The following KCNJ6 variants were observed in gnomAD, a reference collection of about 807,000 sequenced individuals.
KCNJ6 encodes the protein potassium inwardly rectifying channel subfamily J member 6, also known as G protein-activated inward rectifier potassium channel 2.
KCNJ6 carries 9 observed loss-of-function variants against 34.2 expected under a neutral mutation model. The ratio of observed to expected loss-of-function variants is 0.26; its 90% CI spans 0.16 to 0.46. KCNJ6 has a LOEUF of 0.46. Ranked by LOEUF, KCNJ6 falls within the 20% of genes least tolerant of loss-of-function variation. The pLI is 1.00. For missense variants in KCNJ6, 236 were observed against 531.3 expected (o/e 0.44, Z 5.46); for synonymous variants, 196 against 207.1 (o/e 0.95, Z 0.46).
At chr21:37,666,502 T>C (rs1028264362) in intron 3 of KCNJ6, among the ~76,000 whole-genome samples, 8 of 152,208 alleles carry the variant, frequency 5.3e-5, no homozygotes, top group Non-Finnish European at 1.0e-4. Context: ...GATACAATGC[T>C]AGTACATCGT....
At chr21:37,765,487 G>T (rs2055086405) in intron 2 of KCNJ6, among the ~76,000 whole-genome samples, 1 of 152,192 alleles carries the variant, frequency 6.6e-6, no homozygotes, top group Non-Finnish European at 1.5e-5. Flanking sequence ...CAGGGAGGCT[G>T]TTAAACATCC....
At chr21:37,789,691 A>C (rs1316743608) in intron 2 of KCNJ6, among the ~76,000 whole-genome samples, 1 of 152,214 alleles carries the variant, frequency 6.6e-6, no homozygotes. Flanking sequence ...AGCTGAATCA[A>C]TACCAATCAC....
At chr21:37,737,434 A>G (rs1368184150) in intron 2 of KCNJ6, among the ~76,000 whole-genome samples, 1 of 151,602 alleles carries the variant, frequency 6.6e-6, no homozygotes, top group Non-Finnish European at 1.5e-5. Flanking sequence ...AAGCAGAACG[A>G]AAGTCAAGAG....
chr21:37,905,037 G>C (rs1225762644), intron 1 of KCNJ6, among the ~76,000 whole-genome samples: 4 of 152,162 alleles, frequency 2.6e-5, no homozygotes, highest in Non-Finnish European at 5.9e-5. Context: ...TCTGCGCCTG[G>C]ACTGCAGCCA....
At chr21:37,707,191 C>T (rs948139276) in intron 3 of KCNJ6, among the ~76,000 whole-genome samples, 2 of 152,194 alleles carry the variant, frequency 1.3e-5, no homozygotes, top group Non-Finnish European at 2.9e-5. Flanking sequence ...GGTTAACACT[C>T]GCTGTTTTGA....
At chr21:37,790,553 T>C (rs115295200) in intron 2 of KCNJ6, among the ~76,000 whole-genome samples, 5 of 152,290 alleles carry the variant, frequency 3.3e-5, no homozygotes, top group African/African-American at 1.2e-4. Flanking sequence ...TAACCTTGCT[T>C]AAAGTTTCAC....
At chr21:37,730,016 A>G (rs2054876174) in intron 2 of KCNJ6, among the ~76,000 whole-genome samples, 2 of 152,174 alleles carry the variant, frequency 1.3e-5, no homozygotes, top group South Asian at 4.1e-4. Flanking sequence ...TTGGGATCCT[A>G]GGCTGTCCGT....
Position 37,618,489 on chromosome 21 carries a change from A to T in KCNJ6, c.*6670T>A, listed in dbSNP as rs1369816505. On this transcript the variant is annotated 3_prime_UTR_variant, in exon 4 of 4. Coordinates refer to ENST00000609713, the MANE Select transcript of KCNJ6 (RefSeq NM_002240.5). The stretch of plus-strand genomic sequence containing the variant: ...GCAGATATTTACATTGCCTGAGAAA[A>T]ACAGCCCTTCATATTCTTATAAAGA... 1 of 152,226 alleles carries T rather than the reference A, an allele frequency of 6.6e-6. No individual in the cohort carries two copies. The highest frequency in any genetic ancestry group is 1.5e-5 in the Non-Finnish European group (1 of 68,044). 9.4% of individuals were successfully genotyped at this position (152,226 alleles called of 1,614,324 possible).
intron 3 of KCNJ6, among the ~76,000 whole-genome samples, chr21:37,667,019 G>T (rs1173096419): frequency 1.3e-5 from 2 of 151,320 alleles, no homozygotes; most frequent in Non-Finnish European, 2.9e-5. Flanking sequence ...ACTGTGGAAG[G>T]CCGCAGGGAC....
chr21:37,827,141 G>A (rs2055402930), intron 2 of KCNJ6, among the ~76,000 whole-genome samples: 1 of 152,132 alleles, frequency 6.6e-6, no homozygotes, highest in African/African-American at 2.4e-5. Flanking sequence ...AACTAAGCAG[G>A]GAATGATATT....
chr21:37,780,912 A>G (rs1212875097), intron 2 of KCNJ6, among the ~76,000 whole-genome samples: 1 of 152,348 alleles, frequency 6.6e-6, no homozygotes, highest in Middle Eastern at 3.4e-3. Context: ...TATTAATTAG[A>G]TAGAAAGGCA....
chr21:37,706,819 C>T (rs1402932853), intron 3 of KCNJ6, among the ~76,000 whole-genome samples: 4 of 152,186 alleles, frequency 2.6e-5, no homozygotes, highest in African/African-American at 9.7e-5. Flanking sequence ...GTTAACAGCA[C>T]AGAAATGCAT....
chr21:37,694,684 G>A (rs1232546757), intron 3 of KCNJ6, among the ~76,000 whole-genome samples: 5 of 152,160 alleles, frequency 3.3e-5, no homozygotes, highest in East Asian at 1.9e-4. Flanking sequence ...AGTACTTTGC[G>A]TAATGTCATG....
intron 3 of KCNJ6, among the ~76,000 whole-genome samples, chr21:37,703,444 C>A (rs2054702227): frequency 1.3e-5 from 2 of 152,200 alleles, no homozygotes; most frequent in Middle Eastern, 3.4e-3. Flanking sequence ...AAGCATGAGA[C>A]CAGGTTGCTA....
chr21:37,879,959 T>C (rs2055699107), intron 1 of KCNJ6, among the ~76,000 whole-genome samples: 1 of 152,092 alleles, frequency 6.6e-6, no homozygotes, highest in South Asian at 2.1e-4. Context: ...AATTTCTTAT[T>C]TCAAATGGAT....
At chr21:37,884,409 A>G (rs918031378) in intron 1 of KCNJ6, among the ~76,000 whole-genome samples, 2 of 152,120 alleles carry the variant, frequency 1.3e-5, no homozygotes, top group African/African-American at 4.8e-5. Flanking sequence ...TTCTCTCTGC[A>G]TCTCAGCTTC....
rs963771190 is a variant in KCNJ6 at position 37,607,497 on chromosome 21, T to A, written c.*17662A>T. On this transcript the variant is annotated 3_prime_UTR_variant, in exon 4 of 4. Transcript: ENST00000609713. ...ATATATATATATTTTTTTTTTATTT[T>A]AAAAAAATTTGGCATTGTAGTGATT... The A allele has an allele frequency of 1.9e-4, 28 of 148,790 alleles. No homozygotes were observed. Among genetic ancestry groups the A allele is most frequent in the South Asian group, 8.4e-4 (4 of 4,738 alleles). 9.2% of individuals were successfully genotyped at this position (148,790 alleles called of 1,614,324 possible).
chr21:37,754,778 A>T (rs2055015391), intron 2 of KCNJ6, among the ~76,000 whole-genome samples: 1 of 152,094 alleles, frequency 6.6e-6, no homozygotes, highest in African/African-American at 2.4e-5. Flanking sequence ...CCTGCCTAAG[A>T]TATTTGTGAT....
At position 37,624,866 on chromosome 21, in the gene KCNJ6, A is replaced by G; in HGVS notation, c.*293T>C. 1 of 429,180 alleles carries G rather than the reference A, an allele frequency of 2.3e-6. No homozygotes were observed. Among genetic ancestry groups the G allele is most frequent in the East Asian group, 4.5e-5 (1 of 22,396 alleles). 26.6% of individuals were successfully genotyped at this position (429,180 alleles called of 1,614,324 possible). A position where few individuals can be genotyped will look rare whatever the true frequency, so the allele number is the denominator to read the frequency against. On this transcript the variant is annotated 3_prime_UTR_variant, in exon 4 of 4. Coordinates refer to ENST00000609713, the MANE Select transcript of KCNJ6 (RefSeq NM_002240.5). The stretch of plus-strand genomic sequence containing the variant: ...CTGGTATTGTACAACACATGCAGGT[A>G]AGTAACTGAAATCTCCAGGAGTTGG...
Sources: allele counts gnomAD v4.1 joint callset (sites outside exome capture counted in the v4.1 genomes callset), GRCh38; gene constraint gnomAD v4.1.1; transcripts MANE v1.5; gene names NCBI Gene and HGNC (gene_info 2026-07-23, HGNC 2026-07-21).